Variants in APP observed in about 807,000 individuals in gnomAD.
APP encodes the protein amyloid beta precursor protein.
Under a neutral mutation model 101.4 loss-of-function variants are expected in APP, and 31 were observed. That is an observed-to-expected ratio of 0.31 (90% CI 0.23 to 0.41). APP has a LOEUF of 0.41. APP is among the 10% of genes least tolerant of loss of function. The probability of loss-of-function intolerance (pLI) is 1.00; values close to 1 mark genes in which losing one functional copy is unlikely to be tolerated. For synonymous variants in APP, 366 were observed against 364.4 expected (o/e 1.00, Z -0.05); for missense variants, 839 against 1,003.7 (o/e 0.84, Z 2.22).
chr21:26,084,395 G>A (rs904135133), intron 3 of APP, among the ~76,000 whole-genome samples: 4 of 150,824 alleles, frequency 2.7e-5, no homozygotes, highest in African/African-American at 9.8e-5. Flanking sequence ...CCCGCACCAC[G>A]CCTGGCTAAT....
chr21:26,015,381 T>C (rs771971615), intron 6 of APP, among the ~76,000 whole-genome samples: 7 of 152,196 alleles, frequency 4.6e-5, no homozygotes, highest in Non-Finnish European at 8.8e-5. Flanking sequence ...TAGTTAAATA[T>C]TGGATAGGTC....
intron 3 of APP, 25 bp from the exon 4 acceptor site, chr21:26,053,373 C>T (rs199937814): frequency 6.9e-6 from 10 of 1,458,600 alleles, no homozygotes; most frequent in Admixed American, 3.3e-5. Flanking sequence ...AACCACTTCC[C>T]GTCATTCCAT....
chr21:26,061,595 T>C (rs775775455), intron 3 of APP, among the ~76,000 whole-genome samples: 5 of 152,238 alleles, frequency 3.3e-5, no homozygotes, highest in Non-Finnish European at 7.3e-5. Flanking sequence ...AAAACTGTTA[T>C]GGTTTTAGCT....
At chr21:25,902,731 C>CG (rs1444523790) in intron 15 of APP, among the ~76,000 whole-genome samples, 6 of 152,214 alleles carry the variant, frequency 3.9e-5, no homozygotes, top group African/African-American at 1.4e-4. Flanking sequence ...CATCACAGAA[C>CG]ATTCTTGTTA....
At chr21:26,122,215 A>T (rs2062588792) in intron 1 of APP, among the ~76,000 whole-genome samples, 1 of 152,216 alleles carries the variant, frequency 6.6e-6, no homozygotes, top group Non-Finnish European at 1.5e-5. Context: ...AATTCAGGCT[A>T]GGATGGGGAG....
At chr21:25,941,454 T>C (rs1158273574) in intron 13 of APP, 1 of 152,230 alleles carries the variant, frequency 6.6e-6, no homozygotes, top group Non-Finnish European at 1.5e-5. Context: ...GATCTCATGA[T>C]GTGTATCATT....
At chr21:25,920,155 T>A (rs1417102099) in intron 13 of APP, among the ~76,000 whole-genome samples, 4 of 142,684 alleles carry the variant, frequency 2.8e-5, no homozygotes, top group African/African-American at 1.0e-4. Context: ...AGAAATAAAA[T>A]ACTTTACAGA....
At chr21:25,887,967 G>GTTTT (rs1569008432) in intron 17 of APP, among the ~76,000 whole-genome samples, 147 of 152,132 alleles carry the variant, frequency 9.7e-4, no homozygotes, top group Middle Eastern at 6.8e-3. Flanking sequence ...GTTCTCAGGA[G>GTTTT]TTTTTTTCCT....
intron 3 of APP, among the ~76,000 whole-genome samples, chr21:26,054,620 G>GTTTTTTTTTTTTTTTTTTTT (rs369608335): frequency 1.9e-5 from 2 of 107,994 alleles, no homozygotes; most frequent in Non-Finnish European, 3.7e-5. Flanking sequence ...TAGGCCAAAA[G>GTTTTTTTTTTTTTTTTTTTT]TTTTTTTTTT....
At chr21:26,170,171 G>A (rs1340674219) in intron 1 of APP, among the ~76,000 whole-genome samples, 1 of 152,208 alleles carries the variant, frequency 6.6e-6, no homozygotes, top group Non-Finnish European at 1.5e-5. Flanking sequence ...CTGGCTTTAG[G>A]GACGCTGCGT....
chr21:26,039,420 T>C (rs2045273110), intron 5 of APP, among the ~76,000 whole-genome samples: 1 of 152,270 alleles, frequency 6.6e-6, no homozygotes, highest in South Asian at 2.1e-4. Context: ...TTAGGTTATA[T>C]GCTACGCTTA....
chr21:25,939,403 A>G (rs2040484323), intron 13 of APP, among the ~76,000 whole-genome samples: 1 of 152,230 alleles, frequency 6.6e-6, no homozygotes. Flanking sequence ...GCGATTTAGT[A>G]ATTCACAAAT....
intron 3 of APP, among the ~76,000 whole-genome samples, chr21:26,069,801 C>CA (rs2046603091): frequency 6.6e-6 from 1 of 152,066 alleles, no homozygotes; most frequent in Admixed American, 6.6e-5. Context: ...CAAGAAAAAG[C>CA]AAACTTGTAT....
At chr21:25,964,696 G>T (rs149111045) in intron 11 of APP, among the ~76,000 whole-genome samples, 6,533 of 151,128 alleles carry the variant, frequency 0.043, 480 homozygotes, top group African/African-American at 0.15. Flanking sequence ...TGCAACCCGG[G>T]TTCAAGCGAT....
At chr21:25,884,028 G>A (rs368197487) in intron 17 of APP, among the ~76,000 whole-genome samples, 6 of 152,118 alleles carry the variant, frequency 3.9e-5, no homozygotes, top group Admixed American at 6.5e-5. Flanking sequence ...ACAGGCACCC[G>A]CCACTACGCC....
intron 6 of APP, among the ~76,000 whole-genome samples, chr21:26,020,195 T>C (rs1282273846): frequency 1.3e-5 from 2 of 152,162 alleles, no homozygotes; most frequent in African/African-American, 4.8e-5. Flanking sequence ...GACCATGTAT[T>C]ATATGATCCC....
chr21:25,935,049 G>C (rs1363924925), intron 13 of APP: 1 of 152,168 alleles, frequency 6.6e-6, no homozygotes, highest in Non-Finnish European at 1.5e-5. Flanking sequence ...AAACACAGAG[G>C]TTAGGTCATT....
chr21:26,123,713 AT>A (rs2062622559), intron 1 of APP, among the ~76,000 whole-genome samples: 1 of 152,166 alleles, frequency 6.6e-6, no homozygotes, highest in South Asian at 2.1e-4. Flanking sequence ...TCTTGACTAT[AT>A]TTATAAAAAA....
chr21:25,958,017 A>G (rs188981310), intron 11 of APP, among the ~76,000 whole-genome samples: 1 of 152,136 alleles, frequency 6.6e-6, no homozygotes, highest in East Asian at 1.9e-4. Context: ...AAAAACAAAA[A>G]CAGTAAGAAT....
Sources: gnomAD v4.1 joint callset for allele counts (sites outside exome capture counted in the v4.1 genomes callset) on GRCh38, gnomAD v4.1.1 for gene constraint, MANE v1.5 for transcripts, NCBI Gene and HGNC (gene_info 2026-07-23, HGNC 2026-07-21) for gene names.